Variants in ARHGEF7 observed in about 807,000 individuals in gnomAD.
The protein encoded by ARHGEF7 is PAK-interacting exchange factor beta.
ARHGEF7 carries 33 observed loss-of-function variants against 109.8 expected under a neutral mutation model. That is an observed-to-expected ratio of 0.30 (90% confidence interval 0.23 to 0.40). ARHGEF7 has a LOEUF of 0.40. ARHGEF7 is among the 10% of genes least tolerant of loss of function. The probability of loss-of-function intolerance (pLI) is 1.00; values close to 1 mark genes in which losing one functional copy is unlikely to be tolerated. For missense variants in ARHGEF7, 938 were observed against 1,098.5 expected (o/e 0.85, Z 2.07); for synonymous variants, 458 against 424.6 (o/e 1.08, Z -0.97).
intron 12 of ARHGEF7, among the ~76,000 whole-genome samples, chr13:111,276,516 T>G (rs1224097216): frequency 1.3e-5 from 2 of 152,204 alleles, no homozygotes; most frequent in African/African-American, 4.8e-5. Context: ...AACTTTAATC[T>G]GTGGAAACAT....
At chr13:111,133,505 A>C (rs1386368808) in intron 1 of ARHGEF7, among the ~76,000 whole-genome samples, 1 of 151,896 alleles carries the variant, frequency 6.6e-6, no homozygotes, top group Admixed American at 6.5e-5. Flanking sequence ...AGAGCTGCTC[A>C]ACACGAACTT....
Position 111,217,708 on chromosome 13 carries a change from G to C in ARHGEF7, c.498G>C (p.Leu166=), listed in dbSNP as rs916077246. The C allele has an allele frequency of 5.0e-6, 8 of 1,614,198 alleles. No individual in the cohort carries two copies. Among genetic ancestry groups the C allele is most frequent in the Non-Finnish European group, 6.8e-6 (8 of 1,180,028 alleles). ...TGACCGATAATAGCAACAATCAACTGGTAGTAAGAGCAAAGTTTAACTTCC... is the reference window on the plus strand; with the variant it reads ...TGACCGATAATAGCAACAATCAACTCGTAGTAAGAGCAAAGTTTAACTTCC... The part of the protein sequence containing the change: ...LDMTDNSNNQ[L]VVRAKFNFQQ... The change falls in exon 5 of 22, where the codon CTG becomes CTC. Residue 166 remains leucine, a synonymous_variant. Transcript: ENST00000646102.
rs959085094 is a variant in ARHGEF7, at chr13:111,272,867, A to G, written c.1074-947A>G. 2.0e-5 allele frequency among the ~76,000 whole-genome samples: 3 copies of G among 152,140 alleles called. No homozygotes were observed. The highest frequency in any genetic ancestry group is 7.2e-5 in the African/African-American group (3 of 41,432). ...GGGGTGTTGCGGTCAGGTGACTGTC[A>G]GCCTTAACAAACGTGTGGGTGAAGA... is the stretch of plus-strand genomic sequence containing the variant. On this transcript the variant is annotated intron_variant, in intron 9 of 21. Transcript: ENST00000646102. The surrounding 1 kb of genome is among the most constrained non-coding windows in gnomAD (Gnocchi z 5.2).
rs569751213 is a variant in ARHGEF7 at position 111,196,117 on chromosome 13, C to T, written c.253-9172C>T. On this transcript the variant is annotated intron_variant, in intron 2 of 21. Coordinates refer to ENST00000646102, the MANE Select transcript of ARHGEF7 (RefSeq NM_001354046.2). Reference sequence around the variant, plus strand: ...TTTCTTAAGGCCTCCTGTAGCCAGTCGAGGAAGGCAGAAGGATTTTCTTCC... The same window carrying T: ...TTTCTTAAGGCCTCCTGTAGCCAGTTGAGGAAGGCAGAAGGATTTTCTTCC... 7.9e-5 allele frequency among the ~76,000 whole-genome samples: 12 copies of T among 152,272 alleles called. No individual in the cohort carries two copies. The South Asian group carries it at 1.0e-3, about 13-fold the overall frequency.
Position 111,210,020 on chromosome 13 carries a change from T to G in ARHGEF7, c.468+18T>G, listed in dbSNP as rs2082305265. On this transcript the variant is annotated intron_variant, in intron 4 of 21. Transcript: ENST00000646102. ...GGAGTTTGGTAAGTTTGAGAGATTT[T>G]GTTACTTAAATATGTTTGGGAAGGA... The G allele has an allele frequency of 6.2e-7, 1 of 1,614,062 alleles. No homozygotes were observed. The highest frequency in any genetic ancestry group is 1.7e-5 in the Admixed American group (1 of 60,014).
chr13:111,215,769 A>G (rs2083053199), intron 4 of ARHGEF7, among the ~76,000 whole-genome samples: 1 of 152,122 alleles, frequency 6.6e-6, no homozygotes, highest in Admixed American at 6.5e-5. Context: ...AAGCTCTTGG[A>G]GCCTGTGCCC....
At chr13:111,274,228 C>T (rs1005597119) in intron 10 of ARHGEF7, among the ~76,000 whole-genome samples, 6 of 152,164 alleles carry the variant, frequency 3.9e-5, no homozygotes, top group African/African-American at 1.4e-4. Flanking sequence ...AGATGTCTTA[C>T]CTGGATCATC....
At chr13:111,198,876 A>G (rs2080884827) in intron 2 of ARHGEF7, among the ~76,000 whole-genome samples, 1 of 151,526 alleles carries the variant, frequency 6.6e-6, no homozygotes, top group Non-Finnish European at 1.5e-5. Flanking sequence ...ACAAACCTTT[A>G]GCTAGACACA....
At chr13:111,148,716 A>G (rs1258604457) in intron 1 of ARHGEF7, among the ~76,000 whole-genome samples, 1 of 152,238 alleles carries the variant, frequency 6.6e-6, no homozygotes. Context: ...CTATGTAACA[A>G]AGAGACAATG....
chr13:111,298,951 C>T (rs985900457), intron 19 of ARHGEF7, among the ~76,000 whole-genome samples: 3 of 152,244 alleles, frequency 2.0e-5, no homozygotes, highest in Non-Finnish European at 4.4e-5. Flanking sequence ...CAGTTACCCT[C>T]ATTTTCCATT....
At chr13:111,253,147 G>A (rs1363953820) in intron 8 of ARHGEF7, among the ~76,000 whole-genome samples, 1 of 152,222 alleles carries the variant, frequency 6.6e-6, no homozygotes, top group African/African-American at 2.4e-5. Flanking sequence ...CATTTGAAAT[G>A]CAGTTTTCCT....
chr13:111,288,896 C>T (rs2093143190), intron 18 of ARHGEF7, among the ~76,000 whole-genome samples: 1 of 152,062 alleles, frequency 6.6e-6, no homozygotes, highest in African/African-American at 2.4e-5. Flanking sequence ...TTCTTTTAGC[C>T]TTTCTAAAAA....
At position 111,168,102 on chromosome 13, in the gene ARHGEF7, A is replaced by AG. The variant is rs759590061; in HGVS notation, c.252+14113dup. Among the ~76,000 whole-genome samples, 210 of 152,242 alleles carry AG rather than the reference A, an allele frequency of 1.4e-3. 1 individual carries two copies. The highest frequency in any genetic ancestry group is 6.6e-4 in the Non-Finnish European group (45 of 67,998). On this transcript the variant is annotated intron_variant, in intron 2 of 21. Coordinates refer to ENST00000646102, the MANE Select transcript of ARHGEF7 (RefSeq NM_001354046.2). The stretch of plus-strand genomic sequence containing the variant: ...TGAGGAGTTGGGTACCAGGAGCCTG[A>AG]GGAGAGGGTCCTGGCTTACCTAGGT...
chr13:111,115,380 C>A lies in ARHGEF7; in HGVS notation c.-147C>A, dbSNP rs1427894733. ...GGGCGCACGGAGAAGCGGGCCGGGCCGGACCTGCTGGGCCGCGCCGAGCCA... is the reference window on the plus strand; with the variant it reads ...GGGCGCACGGAGAAGCGGGCCGGGCAGGACCTGCTGGGCCGCGCCGAGCCA... On this transcript the variant is annotated 5_prime_UTR_variant, in exon 1 of 22. Coordinates refer to ENST00000646102, the MANE Select transcript of ARHGEF7 (RefSeq NM_001354046.2). 4.8e-6 allele frequency: 2 copies of A among 416,822 alleles called. No homozygotes were observed. Among genetic ancestry groups the A allele is most frequent in the Non-Finnish European group, 6.4e-6 (2 of 313,240 alleles). The allele number at this position is 416,822 out of a possible 1,614,324, so 25.8% of individuals were successfully genotyped here. A position where few individuals can be genotyped will look rare whatever the true frequency, so the allele number is the denominator to read the frequency against.
intron 4 of ARHGEF7, among the ~76,000 whole-genome samples, chr13:111,213,091 A>G (rs1243263863): frequency 6.6e-6 from 1 of 152,174 alleles, no homozygotes; most frequent in Non-Finnish European, 1.5e-5. Context: ...GTTGGTGTGA[A>G]GCAGCACTCC....
At chr13:111,275,031 A>AT (rs1474314371) in intron 11 of ARHGEF7, among the ~76,000 whole-genome samples, 2 of 152,160 alleles carry the variant, frequency 1.3e-5, no homozygotes, top group African/African-American at 2.4e-5. Context: ...TGTTTAAAAC[A>AT]TTTTTTTACC....
intron 19 of ARHGEF7, among the ~76,000 whole-genome samples, chr13:111,296,564 C>T (rs926217997): frequency 6.6e-6 from 1 of 152,176 alleles, no homozygotes; most frequent in Non-Finnish European, 1.5e-5. Flanking sequence ...CTTACTCCCA[C>T]CTCCATACGG....
chr13:111,266,798 A>G lies in ARHGEF7; in HGVS notation c.951-750A>G, dbSNP rs1239377066. The G allele has an allele frequency of 4.4e-6, 2 of 456,004 alleles. No individual in the cohort carries two copies. Among genetic ancestry groups the G allele is most frequent in the Non-Finnish European group, 8.8e-6 (2 of 226,790 alleles). The allele number at this position is 456,004 out of a possible 1,614,324, so 28.2% of individuals were successfully genotyped here. Reference sequence around the variant, plus strand: ...CACCCTGGGGTGCAGGGAAGGTGGTAAGAGTTCACGTGGTTCTCCTGTTTT... The same window carrying G: ...CACCCTGGGGTGCAGGGAAGGTGGTGAGAGTTCACGTGGTTCTCCTGTTTT... On this transcript the variant is annotated intron_variant, in intron 8 of 21. Coordinates refer to ENST00000646102, the MANE Select transcript of ARHGEF7 (RefSeq NM_001354046.2). The surrounding 1 kb of genome is among the most constrained non-coding windows in gnomAD (Gnocchi z 4.8).
intron 2 of ARHGEF7, among the ~76,000 whole-genome samples, chr13:111,178,712 G>A (rs1027340710): frequency 2.6e-5 from 4 of 152,246 alleles, no homozygotes; most frequent in Admixed American, 2.0e-4. Flanking sequence ...GAAAAGGCAG[G>A]GAGGAAGCCA....
Sources: allele counts gnomAD v4.1 joint callset (sites outside exome capture counted in the v4.1 genomes callset), GRCh38; gene constraint gnomAD v4.1.1; non-coding constraint Gnocchi (gnomAD v3.1); transcripts MANE v1.5; gene names NCBI Gene and HGNC (gene_info 2026-07-23, HGNC 2026-07-21).